The following CCT7 variants were observed in gnomAD, a reference collection of about 807,000 sequenced individuals.
CCT7 encodes T-complex protein 1 subunit eta.
CCT7 carries 16 observed loss-of-function variants against 56.6 expected under a neutral mutation model. The observed-to-expected ratio is 0.28, with a 90% confidence interval of 0.19 to 0.43. The LOEUF is 0.43. Among genes scored for constraint, CCT7 ranks in the 20% least tolerant of loss-of-function variants. The pLI is 1.00. For synonymous variants in CCT7, 262 were observed against 254.8 expected (o/e 1.03, Z -0.27); for missense variants, 519 against 685.6 (o/e 0.76, Z 2.71).
At chr2:73,248,330 A>T (rs1687432440) in intron 7 of CCT7, among the ~76,000 whole-genome samples, 1 of 149,362 alleles carries the variant, frequency 6.7e-6, no homozygotes, top group Admixed American at 6.7e-5. Context: ...CCCACCTTTG[A>T]GCAGTTCTTG....
At chr2:73,245,041 A>T (rs114044657) in intron 6 of CCT7, among the ~76,000 whole-genome samples, 1,982 of 152,200 alleles carry the variant, frequency 0.013, 34 homozygotes, top group Non-Finnish European at 0.017. Context: ...TCTGAGAGGG[A>T]TTTTTCAGTT....
chr2:73,244,284 G>A (rs2103785741), intron 5 of CCT7: 1 of 610,290 alleles, frequency 1.6e-6, no homozygotes, highest in Non-Finnish European at 2.9e-6. Context: ...GGGCTGTTTG[G>A]CTCCTGCCAG....
intron 6 of CCT7, among the ~76,000 whole-genome samples, chr2:73,245,421 T>C (rs1339115071): frequency 6.6e-6 from 1 of 152,186 alleles, no homozygotes; most frequent in Non-Finnish European, 1.5e-5. Context: ...ATCTGCGCTG[T>C]CCAATATGAT....
chr2:73,244,191 T>G, intron 5 of CCT7, 142 bp downstream of exon 5: 1 of 823,306 alleles, frequency 1.2e-6, no homozygotes, highest in Non-Finnish European at 1.9e-6. Context: ...TGAGTCACCG[T>G]GTCAGGCCTT....
chr2:73,245,142 G>A lies in CCT7; in HGVS notation c.618+427G>A, dbSNP rs975410719. On this transcript the variant is annotated intron_variant, in intron 6 of 11. Transcript: ENST00000258091. ...GATACATATTTCAAACTGTGAAGGG[G>A]CCTAAAGTTAAAAGTGTTTCATGCA... is the stretch of plus-strand genomic sequence containing the variant. Among the ~76,000 whole-genome samples the A allele has an allele frequency of 2.6e-5, 4 of 152,242 alleles. No homozygotes were observed. The East Asian group carries it at 7.7e-4, about 29-fold the overall frequency.
At chr2:73,239,480 A>G in intron 1 of CCT7, 163 bp from the exon 2 acceptor site, 1 of 628,394 alleles carries the variant, frequency 1.6e-6, no homozygotes, top group East Asian at 2.8e-5. Flanking sequence ...CTGGAGGTAG[A>G]GGCTGGTTGG....
chr2:73,243,302 GTA>G (rs1687194831), intron 4 of CCT7, 173 bp downstream of exon 4: 1 of 676,174 alleles, frequency 1.5e-6, no homozygotes, highest in Admixed American at 2.9e-5. Flanking sequence ...TTGATGAGGT[GTA>G]TTACTTAATC....
At position 73,234,399 on chromosome 2, in the gene CCT7, G is replaced by A. The variant is rs761262323; in HGVS notation, c.6+15G>A. 5.1e-5 allele frequency: 82 copies of A among 1,612,884 alleles called. No homozygotes were observed. Among genetic ancestry groups the A allele is most frequent in the Non-Finnish European group, 6.7e-5 (79 of 1,179,862 alleles). On this transcript the variant is annotated intron_variant, in intron 1 of 11. Coordinates refer to ENST00000258091, the MANE Select transcript of CCT7 (RefSeq NM_006429.4). ...CCAAAATGATGGTGAGTGGCGTCTCGCGCATCCGTCGCCATCAGCTGCCAT... is the reference window on the plus strand; with the variant it reads ...CCAAAATGATGGTGAGTGGCGTCTCACGCATCCGTCGCCATCAGCTGCCAT...
chr2:73,246,161 T>G (rs1177335592), intron 6 of CCT7, among the ~76,000 whole-genome samples: 2 of 152,232 alleles, frequency 1.3e-5, no homozygotes. Context: ...TAGTGATTAT[T>G]TACTTGTTAC....
In CCT7 at chr2:73,250,299, G is replaced by A. The variant is rs1026419333; in HGVS notation, c.1071-7G>A. 3 of 1,613,926 alleles carry A rather than the reference G, an allele frequency of 1.9e-6. No homozygotes were observed. The African/African-American group carries it at 4.0e-5, about 22-fold the overall frequency. On this transcript the variant is annotated splice_polypyrimidine_tract_variant and splice_region_variant and intron_variant, in intron 9 of 11. Transcript: ENST00000258091. ...TTCATGTGTGTACTGTTTAATCCTGGGCATAGGTACAATTTTTTTACTGGC... is the reference window on the plus strand; with the variant it reads ...TTCATGTGTGTACTGTTTAATCCTGAGCATAGGTACAATTTTTTTACTGGC...
At position 73,242,991 on chromosome 2, in the gene CCT7, C is replaced by T. The variant is rs747273943; in HGVS notation, c.268-13C>T. Reference sequence around the variant, plus strand: ...ACATCAGAAAACGTGTATTTCCTGTCATCATCTTCCAGGTGGGTGATGGCA... The same window carrying T: ...ACATCAGAAAACGTGTATTTCCTGTTATCATCTTCCAGGTGGGTGATGGCA... On this transcript the variant is annotated splice_polypyrimidine_tract_variant and intron_variant, in intron 3 of 11. Coordinates refer to ENST00000258091, the MANE Select transcript of CCT7 (RefSeq NM_006429.4). 5.6e-6 allele frequency: 9 copies of T among 1,613,568 alleles called. No individual in the cohort carries two copies. Among genetic ancestry groups the T allele is most frequent in the Admixed American group, 5.0e-5 (3 of 60,024 alleles).
At chr2:73,252,427 G>A (rs2103815888) in intron 11 of CCT7, among the ~76,000 whole-genome samples, 1 of 151,570 alleles carries the variant, frequency 6.6e-6, no homozygotes, top group African/African-American at 2.4e-5. Context: ...GAGGTCTTGT[G>A]TGGTATGTCC....
rs1425711590 is a variant in CCT7, at chr2:73,244,738, A to G, written c.618+23A>G. On this transcript the variant is annotated intron_variant, in intron 6 of 11. Transcript: ENST00000258091. Reference sequence around the variant, plus strand: ...GAGGTAAGCCTGCTGTGGCCTTCCTAGACAGCTCTTGCTTTCATATTGACC... The same window carrying G: ...GAGGTAAGCCTGCTGTGGCCTTCCTGGACAGCTCTTGCTTTCATATTGACC... The G allele has an allele frequency of 1.3e-6, 2 of 1,584,816 alleles. 1 individual carries two copies. Among genetic ancestry groups the G allele is most frequent in the South Asian group, 2.3e-5 (2 of 87,822 alleles).
At chr2:73,236,518 T>G (rs1176371205) in intron 1 of CCT7, among the ~76,000 whole-genome samples, 1 of 152,156 alleles carries the variant, frequency 6.6e-6, no homozygotes, top group African/African-American at 2.4e-5. Flanking sequence ...TTTTTGTATT[T>G]TTAGTAGAGA....
chr2:73,234,352 T>G lies in CCT7; in HGVS notation c.-27T>G, dbSNP rs750318883. ...CCCGGTCTCGGAGAAGAGGGGAGAG[T>G]GGCGGGCCGCTGAATAAGCTTCCAA... On this transcript the variant is annotated 5_prime_UTR_variant, in exon 1 of 12. Coordinates refer to ENST00000258091, the MANE Select transcript of CCT7 (RefSeq NM_006429.4). The G allele has an allele frequency of 4.3e-6, 7 of 1,612,950 alleles. No homozygotes were observed. Among genetic ancestry groups the G allele is most frequent in the Admixed American group, 3.3e-5 (2 of 59,962 alleles).
chr2:73,244,483 G>C (rs1336995907), intron 5 of CCT7, 61 bp from the exon 6 acceptor site: 1 of 1,440,596 alleles, frequency 6.9e-7, no homozygotes, highest in African/African-American at 1.4e-5. Flanking sequence ...CACTGTAGTA[G>C]AATCAGATAA....
chr2:73,241,478 A>G (rs978316573), intron 3 of CCT7, among the ~76,000 whole-genome samples: 2 of 152,114 alleles, frequency 1.3e-5, no homozygotes, highest in African/African-American at 4.8e-5. Context: ...TGGGCTGAGC[A>G]TGGTGGCTCA....
chr2:73,252,725 G>C lies in CCT7; in HGVS notation c.1496G>C (p.Arg499Pro). 6.2e-7 allele frequency: 1 copy of C among 1,614,102 alleles called. No homozygotes were observed. Among genetic ancestry groups the C allele is most frequent in the Admixed American group, 1.7e-5 (1 of 60,020 alleles). ...EAFVWEPAMV[R>P]INALTAASEA... ...TTCGTGTGGGAGCCAGCTATGGTGC[G>C]GATCAATGCGCTGACAGCAGCCTCT... Residue 499 changes from arginine to proline, a missense_variant, in exon 12 of 12, where the codon CGG (arginine) becomes CCG (proline). Transcript: ENST00000258091.
chr2:73,236,719 A>C (rs1484592647), intron 1 of CCT7, among the ~76,000 whole-genome samples: 2 of 152,234 alleles, frequency 1.3e-5, no homozygotes. Context: ...CTTTGCATAC[A>C]GTGCCTGCTG....
Sources: gnomAD v4.1 joint callset for allele counts (sites outside exome capture counted in the v4.1 genomes callset) on GRCh38, gnomAD v4.1.1 for gene constraint, MANE v1.5 for transcripts, NCBI Gene and HGNC (gene_info 2026-07-23, HGNC 2026-07-21) for gene names.